Variants in MRPS14 observed in about 807,000 individuals in gnomAD.
MRPS14 encodes mitochondrial ribosomal protein S14, also known as small ribosomal subunit protein uS14m.
A neutral mutation model predicts 16.4 loss-of-function variants in MRPS14; 14 were observed. That is an observed-to-expected ratio of 0.85 (90% CI 0.56 to 1.33). MRPS14 has a LOEUF of 1.33. Among genes scored for constraint, MRPS14 ranks in the 40% most tolerant of loss-of-function variants. The pLI is 0.00. For synonymous variants in MRPS14, 54 were observed against 61.9 expected, an observed-to-expected ratio of 0.87 and a Z score of 0.60; for missense variants, 162 against 176.8, an observed-to-expected ratio of 0.92 and a Z score of 0.48.
intron 2 of MRPS14, among the ~76,000 whole-genome samples, chr1:175,015,206 C>A (rs1672859278): frequency 6.6e-6 from 1 of 152,138 alleles, no homozygotes; most frequent in South Asian, 2.1e-4. Context: ...ATCTCTGCCT[C>A]CCAAAGTGCT....
In MRPS14 at chr1:175,023,386, G is replaced by A; in HGVS notation, c.23C>T (p.Ser8Leu). Residue 8 changes from serine (S) to leucine (L), a missense_variant, in exon 1 of 3, where the codon TCG becomes TTG. By Grantham distance (145) the Ser-to-Leu change is moderately radical. Coordinates refer to ENST00000476371, the MANE Select transcript of MRPS14 (RefSeq NM_022100.3). The stretch of plus-strand genomic sequence containing the variant: ...GACCTGCTTGAACGTCCGCAGCAGC[G>A]AGCCCAGCATGAAGGCCGCCATGTT... MAAFMLG[S>L]LLRTFKQMVP... 6.2e-7 allele frequency: 1 copy of A among 1,614,186 alleles called. No individual in the cohort carries two copies. Among genetic ancestry groups the A allele is most frequent in the Non-Finnish European group, 8.5e-7 (1 of 1,180,044 alleles).
intron 1 of MRPS14, among the ~76,000 whole-genome samples, chr1:175,021,843 T>C (rs745756313): frequency 2.4e-4 from 37 of 151,996 alleles, no homozygotes; most frequent in Middle Eastern, 3.2e-3. Flanking sequence ...TCCTTAATTA[T>C]AAAATTAGAA....
At chr1:175,018,798 A>G (rs1672927691) in intron 1 of MRPS14, among the ~76,000 whole-genome samples, 1 of 152,266 alleles carries the variant, frequency 6.6e-6, no homozygotes, top group South Asian at 2.1e-4. Context: ...ATATAATGCA[A>G]TAACATATGT....
At chr1:175,015,973 G>A (rs1286299399) in intron 2 of MRPS14, among the ~76,000 whole-genome samples, 2 of 152,136 alleles carry the variant, frequency 1.3e-5, no homozygotes, top group African/African-American at 4.8e-5. Context: ...CGAGGCAGGC[G>A]GATCATCTGA....
chr1:175,016,613 T>C (rs1334671456), intron 2 of MRPS14, among the ~76,000 whole-genome samples: 12 of 152,164 alleles, frequency 7.9e-5, no homozygotes, highest in Admixed American at 5.9e-4. Context: ...GTCTTCTGGG[T>C]ATCTTCATAA....
Position 175,014,613 on chromosome 1 carries a change from C to G in MRPS14, c.*56G>C. On this transcript the variant is annotated 3_prime_UTR_variant, in exon 3 of 3. Coordinates refer to ENST00000476371, the MANE Select transcript of MRPS14 (RefSeq NM_022100.3). ...TTTGGTCTATTAAAAAAAATCTTTG[C>G]TTGCTGGAACTGCAAGCTTGGCTTC... 1 of 1,537,468 alleles carries G rather than the reference C, an allele frequency of 6.5e-7. No individual in the cohort carries two copies. Among genetic ancestry groups the G allele is most frequent in the South Asian group, 1.3e-5 (1 of 79,776 alleles).
At position 175,018,684 on chromosome 1, in the gene MRPS14, T is replaced by A. The variant is rs115044231; in HGVS notation, c.46-108A>T. 4,895 of 1,054,974 alleles carry A rather than the reference T, an allele frequency of 4.6e-3. 167 individuals carry two copies. The African/African-American group carries it at 0.071, about 15-fold the overall frequency. 65.4% of individuals were successfully genotyped at this position (1,054,974 alleles called of 1,614,324 possible). A position where few individuals can be genotyped will look rare whatever the true frequency, so the allele number is the denominator to read the frequency against. ...CCACTATTTATCATTTAGTATTCTT[T>A]TAAGAGTTGTTTTAGATCAGTTTAA... On this transcript the variant is annotated intron_variant, in intron 1 of 2. Transcript: ENST00000476371.
chr1:175,023,159 C>T (rs566145641), intron 1 of MRPS14: 2 of 1,260,636 alleles, frequency 1.6e-6, no homozygotes, highest in East Asian at 5.1e-5. Context: ...TCTTCCAATA[C>T]CAGTTAGTCA....
In MRPS14 at chr1:175,013,544, AACT is replaced by A. The variant is rs1431433196; in HGVS notation, c.*1122_*1124del. On this transcript the variant is annotated 3_prime_UTR_variant, in exon 3 of 3. Coordinates refer to ENST00000476371, the MANE Select transcript of MRPS14 (RefSeq NM_022100.3). ...AGTTCAGGCCTTCATCTTCCTCAAC[AACT>A]AAGACATCCTCCTAACTGGTTGTCT... The A allele has an allele frequency of 6.6e-6, 1 of 152,190 alleles. No homozygotes were observed. The highest frequency in any genetic ancestry group is 6.5e-5 in the Admixed American group (1 of 15,276). The allele number at this position is 152,190 out of a possible 1,614,324, so 9.4% of individuals were successfully genotyped here. A position where few individuals can be genotyped will look rare whatever the true frequency, so the allele number is the denominator to read the frequency against.
chr1:175,016,121 C>T (rs1672877940), intron 2 of MRPS14, among the ~76,000 whole-genome samples: 1 of 151,140 alleles, frequency 6.6e-6, no homozygotes, highest in Middle Eastern at 3.4e-3. Flanking sequence ...CGCTTGAACC[C>T]AGGAGGCAGA....
rs1672890676 is a variant in MRPS14 at position 175,016,913 on chromosome 1, AG to A, written c.204+1504del. 2.6e-5 allele frequency among the ~76,000 whole-genome samples: 4 copies of A among 152,172 alleles called. No homozygotes were observed. The South Asian group carries it at 6.2e-4, about 24-fold the overall frequency. On this transcript the variant is annotated intron_variant, in intron 2 of 2. Transcript: ENST00000476371. ...CCACAGAATTTATTCATCTTACAAC[AG>A]GAAGTATACCCTTTGACCAGTATCT...
chr1:175,019,752 A>T lies in MRPS14; in HGVS notation c.46-1176T>A, dbSNP rs554027529. Among the ~76,000 whole-genome samples the T allele has an allele frequency of 6.6e-5, 10 of 152,368 alleles. No homozygotes were observed. The East Asian group carries it at 1.9e-3, about 29-fold the overall frequency. ...ATAATTTACAGTTCTGACTGACAGG[A>T]CAGGCAAAGGGAGTATAGATCACAA... On this transcript the variant is annotated intron_variant, in intron 1 of 2. Transcript: ENST00000476371.
chr1:175,014,938 CTTTTT>C (rs1171275241), intron 2 of MRPS14, 87 bp from the exon 3 acceptor site: 24 of 625,932 alleles, frequency 3.8e-5, no homozygotes, highest in Admixed American at 1.3e-4. Context: ...ATTTTCTTTT[CTTTTT>C]TTTTTTTTTT....
intron 1 of MRPS14, among the ~76,000 whole-genome samples, chr1:175,021,984 A>C (rs540261283): frequency 2.6e-4 from 40 of 152,362 alleles, no homozygotes; most frequent in African/African-American, 9.4e-4. Flanking sequence ...CACTAACCAC[A>C]TAGGGGTATT....
rs150588877 is a variant in MRPS14, at chr1:175,019,809, A to G, written c.46-1233T>C. On this transcript the variant is annotated intron_variant, in intron 1 of 2. Coordinates refer to ENST00000476371, the MANE Select transcript of MRPS14 (RefSeq NM_022100.3). The stretch of plus-strand genomic sequence containing the variant: ...ATAAGTCTCTCTCAAACCAGAGGAA[A>G]TATTACATGTTAATTAAGCTGCCCC... 7.8e-4 allele frequency among the ~76,000 whole-genome samples: 119 copies of G among 152,376 alleles called. 2 individuals carry two copies. In the East Asian group the frequency reaches 0.01, roughly 13 times the overall value.
At chr1:175,015,154 G>A (rs1157678112) in intron 2 of MRPS14, among the ~76,000 whole-genome samples, 5 of 151,974 alleles carry the variant, frequency 3.3e-5, no homozygotes, top group Admixed American at 2.6e-4. Flanking sequence ...TCACCACGTT[G>A]CCCAGGCTGG....
chr1:175,015,639 G>A (rs955584530), intron 2 of MRPS14, among the ~76,000 whole-genome samples: 2 of 152,184 alleles, frequency 1.3e-5, no homozygotes, highest in South Asian at 4.1e-4. Context: ...TGGTTGAGGG[G>A]AGAAAAGTAG....
chr1:175,018,979 T>A (rs976896515), intron 1 of MRPS14, among the ~76,000 whole-genome samples: 2 of 152,134 alleles, frequency 1.3e-5, no homozygotes. Flanking sequence ...CCCACAGGTA[T>A]CCACTGTTTC....
Position 175,013,317 on chromosome 1 carries a change from C to T in MRPS14, c.*1352G>A, listed in dbSNP as rs1672815195. The T allele has an allele frequency of 1.3e-5, 2 of 152,238 alleles. No individual in the cohort carries two copies. The highest frequency in any genetic ancestry group is 2.9e-5 in the Non-Finnish European group (2 of 68,060). The allele number at this position is 152,238 out of a possible 1,614,324, so 9.4% of individuals were successfully genotyped here. ...TGAACTCGCTTATCTTCTGTTTCCCCTAAATTTGTTCTTTTTCCAAATTTT... is the reference window on the plus strand; with the variant it reads ...TGAACTCGCTTATCTTCTGTTTCCCTTAAATTTGTTCTTTTTCCAAATTTT... On this transcript the variant is annotated 3_prime_UTR_variant, in exon 3 of 3. Transcript: ENST00000476371.
Sources: gnomAD v4.1 joint callset for allele counts (sites outside exome capture counted in the v4.1 genomes callset) on GRCh38, gnomAD v4.1.1 for gene constraint, MANE v1.5 for transcripts, NCBI Gene and HGNC (gene_info 2026-07-23, HGNC 2026-07-21) for gene names.